The following DGKB variants were observed in gnomAD, a reference collection of about 807,000 sequenced individuals.
The protein encoded by DGKB is diacylglycerol kinase beta.
DGKB carries 67 observed loss-of-function variants against 114.3 expected under a neutral mutation model. The ratio of observed to expected loss-of-function variants is 0.59; its 90% confidence interval spans 0.48 to 0.72. The LOEUF is 0.72. Among genes scored for constraint, DGKB ranks in the 30% least tolerant of loss-of-function variants. DGKB has a pLI of 0.00. For synonymous variants in DGKB, 398 were observed against 323.1 expected, an observed-to-expected ratio of 1.23 and a Z score of -2.49; for missense variants, 907 against 975.2, an observed-to-expected ratio of 0.93 and a Z score of 0.93.
intron 23 of DGKB, among the ~76,000 whole-genome samples, chr7:14,186,118 A>G (rs1322913506): frequency 6.6e-6 from 1 of 152,230 alleles, no homozygotes; most frequent in East Asian, 1.9e-4. Flanking sequence ...CAATCCATAC[A>G]TCTGACAAAG....
chr7:14,250,420 C>T lies in DGKB; in HGVS notation c.2123-72269G>A, dbSNP rs7797048. On this transcript the variant is annotated intron_variant, in intron 23 of 25. Transcript: ENST00000402815. Reference sequence around the variant, plus strand: ...TTTTGGCTTTTATCCAATGGTTGTTCAGGAGTATGTTGTTTAGTTTCCTCA... The same window carrying T: ...TTTTGGCTTTTATCCAATGGTTGTTTAGGAGTATGTTGTTTAGTTTCCTCA... Among the ~76,000 whole-genome samples, 653 of 152,096 alleles carry T rather than the reference C, an allele frequency of 4.3e-3. 1 individual carries two copies. The highest frequency in any genetic ancestry group is 0.015 in the African/African-American group (619 of 41,492).
chr7:14,330,206 A>AATCCTGAGT, intron 23 of DGKB, among the ~76,000 whole-genome samples: 1 of 152,050 alleles, frequency 6.6e-6, no homozygotes, highest in Non-Finnish European at 1.5e-5. Flanking sequence ...CTTAATTAAA[A>AATCCTGAGT]ATCCTGAGTA....
At chr7:14,655,632 C>T (rs1235462303) in intron 13 of DGKB, among the ~76,000 whole-genome samples, 1 of 151,644 alleles carries the variant, frequency 6.6e-6, no homozygotes. Flanking sequence ...GTGATATCAA[C>T]CTAAATGTCC....
intron 21 of DGKB, among the ~76,000 whole-genome samples, chr7:14,475,389 G>A (rs2128898345): frequency 6.6e-6 from 1 of 152,204 alleles, no homozygotes; most frequent in South Asian, 2.1e-4. Flanking sequence ...TTCATATCCT[G>A]AATATATCAC....
chr7:14,867,089 T>C (rs1007949964), intron 1 of DGKB, among the ~76,000 whole-genome samples: 1 of 152,186 alleles, frequency 6.6e-6, no homozygotes, highest in East Asian at 1.9e-4. Context: ...CGTTTCCATA[T>C]TGTTGAGTTT....
At chr7:14,736,298 T>A (rs1831711778) in intron 4 of DGKB, 104 bp from the exon 5 acceptor site, 2 of 684,180 alleles carry the variant, frequency 2.9e-6, no homozygotes, top group Non-Finnish European at 4.7e-6. Flanking sequence ...CAAACCATTT[T>A]TATATCCAAG....
intron 23 of DGKB, among the ~76,000 whole-genome samples, chr7:14,248,475 G>A (rs148203474): frequency 1.3e-5 from 2 of 151,932 alleles, no homozygotes; most frequent in Non-Finnish European, 2.9e-5. Context: ...TAATTCTTAC[G>A]ATTCAAGAAC....
At chr7:14,896,629 A>G (rs559010240) in intron 1 of DGKB, among the ~76,000 whole-genome samples, 2 of 151,784 alleles carry the variant, frequency 1.3e-5, no homozygotes, top group African/African-American at 4.8e-5. Flanking sequence ...ATTCTGTTTA[A>G]GCCCCTTACA....
At chr7:14,271,846 T>C (rs1798317426) in intron 23 of DGKB, among the ~76,000 whole-genome samples, 1 of 152,122 alleles carries the variant, frequency 6.6e-6, no homozygotes, top group Non-Finnish European at 1.5e-5. Flanking sequence ...CAAAGCGTGA[T>C]TTTCCAAAAC....
intron 1 of DGKB, among the ~76,000 whole-genome samples, chr7:14,973,169 C>T (rs1413913911): frequency 2.0e-5 from 3 of 151,972 alleles, no homozygotes; most frequent in Admixed American, 6.6e-5. Context: ...GAAATCCTCC[C>T]GTCTTGAAGT....
chr7:14,699,595 C>A (rs545848223), intron 7 of DGKB, among the ~76,000 whole-genome samples: 138 of 152,180 alleles, frequency 9.1e-4, no homozygotes, highest in Middle Eastern at 6.8e-3. Context: ...AAATAGTGGA[C>A]AATTTTCAAA....
At chr7:14,549,376 T>C (rs559055652) in intron 20 of DGKB, among the ~76,000 whole-genome samples, 2 of 152,270 alleles carry the variant, frequency 1.3e-5, no homozygotes, top group East Asian at 3.9e-4. Context: ...GAAGTTGTTT[T>C]ACCCCCAGAA....
At chr7:14,178,869 G>A (rs1174822856) in intron 23 of DGKB, among the ~76,000 whole-genome samples, 1 of 151,808 alleles carries the variant, frequency 6.6e-6, no homozygotes, top group Non-Finnish European at 1.5e-5. Flanking sequence ...GTTGTCGCTT[G>A]TTGAGTATTT....
intron 6 of DGKB, among the ~76,000 whole-genome samples, chr7:14,711,789 G>A (rs1268844240): frequency 6.6e-6 from 1 of 152,108 alleles, no homozygotes; most frequent in Non-Finnish European, 1.5e-5. Flanking sequence ...TTTGAGTTCT[G>A]CAAAAGTGAA....
At chr7:14,767,779 G>A (rs1228872146) in intron 2 of DGKB, among the ~76,000 whole-genome samples, 1 of 151,872 alleles carries the variant, frequency 6.6e-6, no homozygotes, top group Admixed American at 6.6e-5. Context: ...GCAAGTATGA[G>A]TTACATTTTT....
At chr7:14,888,220 T>C (rs1348231969) in intron 1 of DGKB, among the ~76,000 whole-genome samples, 4 of 151,708 alleles carry the variant, frequency 2.6e-5, no homozygotes, top group Admixed American at 1.3e-4. Context: ...TGATAGCAGA[T>C]GGTAATGGCT....
intron 2 of DGKB, among the ~76,000 whole-genome samples, chr7:14,778,312 A>G (rs1240062661): frequency 6.6e-6 from 1 of 152,176 alleles, no homozygotes; most frequent in African/African-American, 2.4e-5. Flanking sequence ...CCTGTATGCT[A>G]TATTGCAGTC....
At chr7:14,704,959 G>C (rs1825930784) in intron 6 of DGKB, among the ~76,000 whole-genome samples, 2 of 152,110 alleles carry the variant, frequency 1.3e-5, no homozygotes, top group Admixed American at 1.3e-4. Flanking sequence ...ACGGAACAAA[G>C]CTGGATGGAG....
At chr7:14,832,481 T>A (rs7803362) in intron 2 of DGKB, among the ~76,000 whole-genome samples, 28,143 of 152,012 alleles carry the variant, frequency 0.19, 2,686 homozygotes, top group South Asian at 0.26. Context: ...GTGTTCTCTC[T>A]GTCTTTCCTG....
Sources: allele counts gnomAD v4.1 joint callset (sites outside exome capture counted in the v4.1 genomes callset), GRCh38; gene constraint gnomAD v4.1.1; transcripts MANE v1.5; gene names NCBI Gene and HGNC (gene_info 2026-07-23, HGNC 2026-07-21).